GABRG3: variants seen among roughly 807,000 people sequenced by gnomAD.
The protein encoded by GABRG3 is gamma-aminobutyric acid receptor subunit gamma-3.
A neutral mutation model predicts 48.8 loss-of-function variants in GABRG3; 25 were observed. The observed-to-expected ratio is 0.51, with a 90% CI of 0.37 to 0.72. The LOEUF (loss-of-function observed/expected upper bound fraction) is 0.72. GABRG3 is among the 30% of genes least tolerant of loss of function. GABRG3 has a pLI of 0.00. For synonymous variants in GABRG3, 227 were observed against 217.6 expected, an observed-to-expected ratio of 1.04 and a Z score of -0.38; for missense variants, 394 against 577.9, an observed-to-expected ratio of 0.68 and a Z score of 3.26.
At chr15:27,085,326 T>G (rs1897057799) in intron 3 of GABRG3, among the ~76,000 whole-genome samples, 1 of 152,174 alleles carries the variant, frequency 6.6e-6, no homozygotes, top group Non-Finnish European at 1.5e-5. Context: ...CAAAATAACC[T>G]ATAGCACTGG....
At chr15:26,980,241 C>A (rs1895027508) in intron 2 of GABRG3, among the ~76,000 whole-genome samples, 1 of 151,940 alleles carries the variant, frequency 6.6e-6, no homozygotes, top group South Asian at 2.1e-4. Context: ...ATTTTATTGA[C>A]CTTTTTAAAG....
chr15:27,232,468 T>G (rs1889829073), intron 3 of GABRG3, among the ~76,000 whole-genome samples: 1 of 152,154 alleles, frequency 6.6e-6, no homozygotes, highest in African/African-American at 2.4e-5. Flanking sequence ...CATGTCTCCA[T>G]GAATAAAGTT....
chr15:27,197,677 G>A (rs2140426868), intron 3 of GABRG3, among the ~76,000 whole-genome samples: 1 of 152,224 alleles, frequency 6.6e-6, no homozygotes, highest in South Asian at 2.1e-4. Context: ...AGTTTTAGAA[G>A]GAATGGTACC....
chr15:27,423,709 C>G (rs1377914170), intron 5 of GABRG3, among the ~76,000 whole-genome samples: 1 of 111,952 alleles, frequency 8.9e-6, no homozygotes, highest in African/African-American at 3.7e-5. Flanking sequence ...CCACACCTGG[C>G]TTTTTCTTTT....
At chr15:27,265,723 A>G (rs912423796) in intron 3 of GABRG3, among the ~76,000 whole-genome samples, 4 of 152,166 alleles carry the variant, frequency 2.6e-5, no homozygotes, top group African/African-American at 9.7e-5. Flanking sequence ...CTCAGTCTGC[A>G]GCTTGCCTTT....
chr15:27,214,551 T>G (rs1566967650), intron 3 of GABRG3, among the ~76,000 whole-genome samples: 1 of 152,354 alleles, frequency 6.6e-6, no homozygotes, highest in East Asian at 1.9e-4. Flanking sequence ...AAATTCTGTA[T>G]ACTTTCTATA....
chr15:27,524,137 A>C (rs3101642), intron 7 of GABRG3, among the ~76,000 whole-genome samples: 83,985 of 151,238 alleles, frequency 0.56, 23,407 homozygotes, highest in East Asian at 0.66. Context: ...AGTAGCAAAG[A>C]AATGTCACCT....
chr15:27,294,586 T>TA (rs1226422332), intron 3 of GABRG3, among the ~76,000 whole-genome samples: 1 of 152,134 alleles, frequency 6.6e-6, no homozygotes, highest in Non-Finnish European at 1.5e-5. Flanking sequence ...CAGTGGTTCT[T>TA]ACGGGGTTGT....
chr15:27,039,986 C>G (rs1324642941), intron 3 of GABRG3, among the ~76,000 whole-genome samples: 1 of 152,222 alleles, frequency 6.6e-6, no homozygotes, highest in African/African-American at 2.4e-5. Flanking sequence ...TTTTCTGCTC[C>G]CTCCATCCCA....
chr15:27,161,867 A>T (rs1176488331), intron 3 of GABRG3, among the ~76,000 whole-genome samples: 1 of 152,184 alleles, frequency 6.6e-6, no homozygotes, highest in East Asian at 1.9e-4. Flanking sequence ...CACAGCTTCT[A>T]TAAACTAAAG....
In GABRG3 at chr15:26,971,505, C is replaced by T. The variant is rs1279455770; in HGVS notation, c.-31C>T. 6.7e-7 allele frequency: 1 copy of T among 1,500,634 alleles called. No individual in the cohort carries two copies. The highest frequency in any genetic ancestry group is 2.1e-5 in the Admixed American group (1 of 46,796). 93.0% of individuals were successfully genotyped at this position (1,500,634 alleles called of 1,614,324 possible). On this transcript the variant is annotated 5_prime_UTR_variant, in exon 1 of 10. Coordinates refer to ENST00000615808, the MANE Select transcript of GABRG3 (RefSeq NM_033223.5). ...GAGGAAGCCGCGCCCGGCCGAGGCC[C>T]CGGACCCTGCGCCCCGAGCTCCACG...
intron 3 of GABRG3, among the ~76,000 whole-genome samples, chr15:27,173,970 G>C (rs987302607): frequency 2.6e-5 from 4 of 152,158 alleles, no homozygotes; most frequent in African/African-American, 9.7e-5. Context: ...CATCTGATTT[G>C]ATAGCTATCA....
rs1890031153 is a variant in GABRG3, at chr15:27,238,102, GA to G, written c.271-88706del. Reference sequence around the variant, plus strand: ...GGACCTGGTGTGATGGGATCATCTTGAGATTCTGTGTCTCGCAGACAGCAGC... The same window carrying G: ...GGACCTGGTGTGATGGGATCATCTTGGATTCTGTGTCTCGCAGACAGCAGC... On this transcript the variant is annotated intron_variant, in intron 3 of 9. Coordinates refer to ENST00000615808, the MANE Select transcript of GABRG3 (RefSeq NM_033223.5). 1.8e-5 allele frequency among the ~76,000 whole-genome samples: 2 copies of G among 109,638 alleles called. 1 individual carries two copies. The highest frequency in any genetic ancestry group is 4.6e-5 in the Non-Finnish European group (2 of 43,178). 71.9% of individuals were successfully genotyped at this position (109,638 alleles called of 152,430 possible).
At chr15:27,379,596 C>G (rs1384535874) in intron 5 of GABRG3, among the ~76,000 whole-genome samples, 1 of 152,128 alleles carries the variant, frequency 6.6e-6, no homozygotes, top group Non-Finnish European at 1.5e-5. Flanking sequence ...TTAACATTTC[C>G]TGCAAGGCAG....
At chr15:27,436,171 C>G (rs1888603500) in intron 5 of GABRG3, among the ~76,000 whole-genome samples, 1 of 152,190 alleles carries the variant, frequency 6.6e-6, no homozygotes, top group South Asian at 2.1e-4. Flanking sequence ...AGTTCAAGAT[C>G]AAGGCACTAG....
chr15:27,459,340 A>T (rs2150834806), intron 5 of GABRG3, among the ~76,000 whole-genome samples: 1 of 152,308 alleles, frequency 6.6e-6, no homozygotes, highest in South Asian at 2.1e-4. Flanking sequence ...ACAGGTGACA[A>T]TTCAGGAGTT....
intron 3 of GABRG3, among the ~76,000 whole-genome samples, chr15:27,074,490 TG>T (rs1353885784): frequency 6.6e-6 from 1 of 151,654 alleles, no homozygotes; most frequent in African/African-American, 2.4e-5. Flanking sequence ...TTGGCTTGGC[TG>T]GGCCCTGTGC....
At chr15:27,383,075 C>T (rs1895824637) in intron 5 of GABRG3, among the ~76,000 whole-genome samples, 1 of 152,078 alleles carries the variant, frequency 6.6e-6, no homozygotes, top group Non-Finnish European at 1.5e-5. Context: ...TGATAGAGCA[C>T]TTCTGTATTA....
At chr15:27,373,632 A>G (rs1431899130) in intron 5 of GABRG3, among the ~76,000 whole-genome samples, 2 of 152,210 alleles carry the variant, frequency 1.3e-5, no homozygotes, top group Non-Finnish European at 2.9e-5. Context: ...ACTTAATTAT[A>G]TTAATGGTAA....
Sources: allele counts gnomAD v4.1 joint callset (sites outside exome capture counted in the v4.1 genomes callset), GRCh38; gene constraint gnomAD v4.1.1; transcripts MANE v1.5; gene names NCBI Gene and HGNC (gene_info 2026-07-23, HGNC 2026-07-21).